The following ZSWIM2 variants were observed in gnomAD, a reference collection of about 807,000 sequenced individuals.
ZSWIM2 encodes the protein zinc finger SWIM-type containing 2, also known as E3 ubiquitin-protein ligase ZSWIM2.
Under a neutral mutation model 48.4 loss-of-function variants are expected in ZSWIM2, and 38 were observed. The ratio of observed to expected loss-of-function variants is 0.79; its 90% CI spans 0.61 to 1.03. The LOEUF is 1.03. Among genes scored for constraint, ZSWIM2 ranks in the 50% least tolerant of loss-of-function variants. ZSWIM2 has a pLI of 0.00. For missense variants in ZSWIM2, 776 were observed against 730.2 expected (o/e 1.06, Z -0.72); for synonymous variants, 240 against 251.3 (o/e 0.96, Z 0.42).
rs1691619654 is a variant in ZSWIM2, at chr2:186,827,574, G to T, written c.*410C>A. 2.6e-5 allele frequency among the ~76,000 whole-genome samples: 4 copies of T among 151,640 alleles called. No homozygotes were observed. On this transcript the variant is annotated 3_prime_UTR_variant, in exon 9 of 9. Coordinates refer to ENST00000295131, the MANE Select transcript of ZSWIM2 (RefSeq NM_182521.3). ...TAAGGTTTTTTTTTATAGGTTTGTG[G>T]TAATTACTAGTGCAAGAAAAATGCA...
chr2:186,834,399 C>T (rs572503378), intron 5 of ZSWIM2, among the ~76,000 whole-genome samples: 8 of 152,156 alleles, frequency 5.3e-5, no homozygotes, highest in African/African-American at 1.7e-4. Context: ...TGGTCTGTGG[C>T]CTGTTCAGAA....
intron 3 of ZSWIM2, among the ~76,000 whole-genome samples, chr2:186,841,142 C>A (rs772949020): frequency 5.1e-4 from 78 of 151,534 alleles, no homozygotes; most frequent in Admixed American, 9.9e-4. Context: ...CATTTTAGAT[C>A]TTCCATAAAG....
intron 2 of ZSWIM2, among the ~76,000 whole-genome samples, chr2:186,845,359 A>C (rs1450182152): frequency 2.6e-5 from 4 of 151,406 alleles, no homozygotes; most frequent in Non-Finnish European, 5.9e-5. Context: ...TCAAAAGAGA[A>C]TACCCTTCCC....
intron 2 of ZSWIM2, 112 bp downstream of exon 2, chr2:186,847,607 C>T: frequency 1.6e-6 from 1 of 635,392 alleles, no homozygotes; most frequent in Non-Finnish European, 2.6e-6. Context: ...TTTATATTCC[C>T]CAAACACCAA....
At chr2:186,838,330 T>C (rs994480547) in intron 4 of ZSWIM2, among the ~76,000 whole-genome samples, 3 of 150,856 alleles carry the variant, frequency 2.0e-5, no homozygotes, top group East Asian at 1.9e-4. Context: ...AGAAATATTA[T>C]TGTTGGCATT....
intron 7 of ZSWIM2, among the ~76,000 whole-genome samples, chr2:186,830,289 GGA>G (rs1348164433): frequency 2.0e-5 from 3 of 152,104 alleles, no homozygotes; most frequent in Non-Finnish European, 4.4e-5. Flanking sequence ...GGCTGTGGCA[GGA>G]GTATCCCTTG....
chr2:186,848,755 C>T, intron 1 of ZSWIM2: 1 of 557,970 alleles, frequency 1.8e-6, no homozygotes, highest in Non-Finnish European at 3.1e-6. Flanking sequence ...TTGGTCTTAA[C>T]CTCCAAAAAA....
chr2:186,833,304 G>T, intron 6 of ZSWIM2, 72 bp from the exon 7 acceptor site: 1 of 688,078 alleles, frequency 1.5e-6, no homozygotes, highest in Non-Finnish European at 2.4e-6. Flanking sequence ...AAAATTAGTT[G>T]GTTGCGTATC....
At chr2:186,834,871 GGTCAGTGATTAGAA>G (rs568595934) in intron 5 of ZSWIM2, among the ~76,000 whole-genome samples, 1 of 152,146 alleles carries the variant, frequency 6.6e-6, no homozygotes, top group East Asian at 1.9e-4. Flanking sequence ...TTTATTTCAA[GGTCAGTGATTAGAA>G]ACCTTAATTT....
rs905494783 is a variant in ZSWIM2 at position 186,847,721 on chromosome 2, G to A, written c.240C>T (p.Cys80=). The change falls in exon 2 of 9, where the codon TGC becomes TGT. Residue 80 remains cysteine, a splice_region_variant and synonymous_variant. Coordinates refer to ENST00000295131, the MANE Select transcript of ZSWIM2 (RefSeq NM_182521.3). The part of the protein sequence containing the change: ...PKGGELCKHI[C]WVLLKKFKLP... Reference sequence around the variant, plus strand: ...TCTTCATTTGAAAAGTCACTTACCAGCAGATATGCTTACAAAGTTCCCCTC... The same window carrying A: ...TCTTCATTTGAAAAGTCACTTACCAACAGATATGCTTACAAAGTTCCCCTC... The A allele has an allele frequency of 6.2e-7, 1 of 1,600,930 alleles. No homozygotes were observed. Among genetic ancestry groups the A allele is most frequent in the Non-Finnish European group, 8.5e-7 (1 of 1,172,574 alleles).
rs78554468 is a variant in ZSWIM2 at position 186,844,895 on chromosome 2, T to C, written c.243-138A>G. Reference sequence around the variant, plus strand: ...GTGTTATGAATAAACTTAAAAATCATCAATTTTCTGTTATAATAGTTGTTA... The same window carrying C: ...GTGTTATGAATAAACTTAAAAATCACCAATTTTCTGTTATAATAGTTGTTA... On this transcript the variant is annotated intron_variant, in intron 2 of 8. Transcript: ENST00000295131. 483 of 728,828 alleles carry C rather than the reference T, an allele frequency of 6.6e-4. 11 individuals are homozygous for C. In the East Asian group the frequency reaches 0.015, roughly 23 times the overall value. The allele number at this position is 728,828 out of a possible 1,614,324, so 45.1% of individuals were successfully genotyped here.
chr2:186,828,790 ACTTT>A lies in ZSWIM2; in HGVS notation c.1096-4_1096-1del, dbSNP rs1205616466. 8 of 1,508,640 alleles carry A rather than the reference ACTTT, an allele frequency of 5.3e-6. No individual in the cohort carries two copies. Among genetic ancestry groups the A allele is most frequent in the Middle Eastern group, 1.8e-4 (1 of 5,598 alleles). The allele number at this position is 1,508,640 out of a possible 1,614,324, so 93.5% of individuals were successfully genotyped here. Reference sequence around the variant, plus strand: ...CAGTTGTCAATACACTTCCTGTGAAACTTTAAAAAAAAGGTAAGCTAATCAGAAC... The same window carrying A: ...CAGTTGTCAATACACTTCCTGTGAAAAAAAAAAAGGTAAGCTAATCAGAAC... On this transcript the variant is annotated splice_acceptor_variant and splice_polypyrimidine_tract_variant and intron_variant, in intron 8 of 8. Coordinates refer to ENST00000295131, the MANE Select transcript of ZSWIM2 (RefSeq NM_182521.3). LOFTEE classifies it high-confidence loss of function.
In ZSWIM2 at chr2:186,827,932, TAA is replaced by T; in HGVS notation, c.*50_*51del. ...CTATGTGTGCTTTTTATGTTCTATA[TAA>T]AACATTTTTTTATATTCAACATTCA... is the stretch of plus-strand genomic sequence containing the variant. On this transcript the variant is annotated 3_prime_UTR_variant, in exon 9 of 9. Coordinates refer to ENST00000295131, the MANE Select transcript of ZSWIM2 (RefSeq NM_182521.3). 7.1e-7 allele frequency: 1 copy of T among 1,403,114 alleles called. No homozygotes were observed. Among genetic ancestry groups the T allele is most frequent in the Non-Finnish European group, 9.5e-7 (1 of 1,054,854 alleles). 86.9% of individuals were successfully genotyped at this position (1,403,114 alleles called of 1,614,324 possible). A position where few individuals can be genotyped will look rare whatever the true frequency, so the allele number is the denominator to read the frequency against.
intron 3 of ZSWIM2, among the ~76,000 whole-genome samples, chr2:186,841,280 T>C (rs10210233): frequency 0.15 from 22,097 of 151,388 alleles, 2,523 homozygotes; most frequent in African/African-American, 0.33. Flanking sequence ...TCCAAAATTA[T>C]AGAAATATTA....
At chr2:186,831,913 T>C (rs1376108673) in intron 7 of ZSWIM2, among the ~76,000 whole-genome samples, 1 of 151,888 alleles carries the variant, frequency 6.6e-6, no homozygotes, top group Non-Finnish European at 1.5e-5. Context: ...TTAGGAGTTA[T>C]ACCTAATGCT....
chr2:186,835,802 C>T (rs1049109752), intron 5 of ZSWIM2, among the ~76,000 whole-genome samples: 1 of 152,108 alleles, frequency 6.6e-6, no homozygotes, highest in African/African-American at 2.4e-5. Flanking sequence ...GAGTCACACA[C>T]ATTGAAAATG....
intron 5 of ZSWIM2, among the ~76,000 whole-genome samples, chr2:186,834,593 C>G (rs945238423): frequency 6.6e-6 from 1 of 152,124 alleles, no homozygotes; most frequent in Non-Finnish European, 1.5e-5. Flanking sequence ...CAGTCTCATC[C>G]TGAAACCATC....
chr2:186,836,257 A>G (rs1195327610), intron 5 of ZSWIM2, among the ~76,000 whole-genome samples: 2 of 152,008 alleles, frequency 1.3e-5, no homozygotes, highest in African/African-American at 2.4e-5. Flanking sequence ...TGCTAATACC[A>G]AAGATCAAGT....
In ZSWIM2 at chr2:186,828,361, G is replaced by A; in HGVS notation, c.1525C>T (p.Pro509Ser). 6.2e-7 allele frequency: 1 copy of A among 1,613,698 alleles called. No individual in the cohort carries two copies. The highest frequency in any genetic ancestry group is 8.5e-7 in the Non-Finnish European group (1 of 1,179,806). The stretch of plus-strand genomic sequence containing the variant: ...ATAGGAGGAAGCAGTGTTTGAGATG[G>A]TATTTTCCCAAATGACACAGTGGGT... ...DLPTVSFGKIPSQTLLPPIVH... is the reference protein window; with the variant it reads ...DLPTVSFGKISSQTLLPPIVH... The change falls in exon 9 of 9, where the codon CCA becomes TCA. Residue 509 changes from proline to serine, a missense_variant. Coordinates refer to ENST00000295131, the MANE Select transcript of ZSWIM2 (RefSeq NM_182521.3).
Sources: allele counts gnomAD v4.1 joint callset (sites outside exome capture counted in the v4.1 genomes callset), GRCh38; gene constraint gnomAD v4.1.1; transcripts MANE v1.5; gene names NCBI Gene and HGNC (gene_info 2026-07-23, HGNC 2026-07-21).